FHL2: variants seen among roughly 807,000 people sequenced by gnomAD.
FHL2 encodes the protein four and a half LIM domains protein 2.
Under a neutral mutation model 32.7 loss-of-function variants are expected in FHL2, and 20 were observed. The observed-to-expected ratio is 0.61, with a 90% CI of 0.43 to 0.89. The LOEUF (loss-of-function observed/expected upper bound fraction) is 0.89, where lower values mean the gene tolerates loss of function less well. Ranked by LOEUF, FHL2 falls within the 40% of genes least tolerant of loss-of-function variation. The probability of loss-of-function intolerance (pLI) is 0.00; values close to 1 mark genes in which losing one functional copy is unlikely to be tolerated. For synonymous variants in FHL2, 123 were observed against 128.1 expected, an observed-to-expected ratio of 0.96 and a Z score of 0.27; for missense variants, 311 against 358.6, an observed-to-expected ratio of 0.87 and a Z score of 1.07.
chr2:105,407,349 T>G (rs180674810), intron 1 of FHL2, among the ~76,000 whole-genome samples: 2,390 of 139,156 alleles, frequency 0.017, 39 homozygotes, highest in African/African-American at 0.04. Flanking sequence ...CTGAGATCGC[T>G]CCACTGCACT....
intron 2 of FHL2, among the ~76,000 whole-genome samples, chr2:105,392,482 T>G (rs1682799549): frequency 6.6e-6 from 1 of 151,030 alleles, no homozygotes; most frequent in Non-Finnish European, 1.5e-5. Flanking sequence ...AGACCATGTC[T>G]CCAAAGAAAA....
chr2:105,377,157 A>C (rs938820867), intron 3 of FHL2, among the ~76,000 whole-genome samples: 1 of 152,172 alleles, frequency 6.6e-6, no homozygotes, highest in Non-Finnish European at 1.5e-5. Context: ...CATTCCACTA[A>C]TGGAATACTA....
At chr2:105,403,580 T>G (rs549239708), upstream of FHL2, among the ~76,000 whole-genome samples, 1 of 152,336 alleles carries the variant, frequency 6.6e-6, no homozygotes, top group East Asian at 1.9e-4. Context: ...CAGGATCCCC[T>G]GCAAACCTGT....
intron 3 of FHL2, chr2:105,376,227 A>G (rs980511808): frequency 1.1e-4 from 16 of 152,246 alleles, no homozygotes; most frequent in African/African-American, 3.9e-4. Context: ...GAGCTAAGCC[A>G]AGCTTCGAGC....
chr2:105,432,904 T>C (rs1423155886), intron 1 of FHL2, among the ~76,000 whole-genome samples: 1 of 152,220 alleles, frequency 6.6e-6, no homozygotes, highest in African/African-American at 2.4e-5. Flanking sequence ...CCAGCCAGGA[T>C]TGCAGAAGGG....
chr2:105,385,912 G>T (rs374029462), intron 3 of FHL2: 130 of 245,108 alleles, frequency 5.3e-4, no homozygotes, highest in African/African-American at 2.6e-3. Flanking sequence ...AGGACTTTGT[G>T]CTTTTATGTG....
intron 6 of FHL2, 91 bp downstream of exon 6, chr2:105,363,194 T>G: frequency 7.9e-7 from 1 of 1,264,268 alleles, no homozygotes; most frequent in Non-Finnish European, 1.1e-6. Flanking sequence ...GTCTGGGGAG[T>G]TGAGGGATAT....
At chr2:105,396,520 C>T (rs1395814212) in intron 2 of FHL2, 127 bp downstream of exon 2, 6 of 793,124 alleles carry the variant, frequency 7.6e-6, no homozygotes, top group Non-Finnish European at 8.3e-6. Flanking sequence ...CCAGACACAC[C>T]CAGAACATAT....
At chr2:105,427,864 T>C (rs991957048) in intron 1 of FHL2, among the ~76,000 whole-genome samples, 2 of 152,086 alleles carry the variant, frequency 1.3e-5, no homozygotes, top group African/African-American at 4.8e-5. Context: ...CTCACATACT[T>C]ATTAAAAGTG....
upstream of FHL2, chr2:105,399,327 C>A (rs1240055574): frequency 3.9e-6 from 6 of 1,535,688 alleles, no homozygotes; most frequent in East Asian, 2.4e-5. Flanking sequence ...GAGTTTCGGA[C>A]GAGGCCTGGG....
chr2:105,378,102 GA>G (rs980280336), intron 3 of FHL2: 3 of 459,672 alleles, frequency 6.5e-6, no homozygotes, highest in African/African-American at 6.0e-5. Context: ...ATGGAGGAAA[GA>G]GCACATCAGC....
intron 2 of FHL2, among the ~76,000 whole-genome samples, chr2:105,394,477 G>A (rs1682979158): frequency 1.3e-5 from 2 of 152,012 alleles, no homozygotes; most frequent in African/African-American, 4.8e-5. Flanking sequence ...GGAGACTGAG[G>A]CAGGAGGACT....
At chr2:105,402,126 CAT>C (rs557159029), upstream of FHL2, among the ~76,000 whole-genome samples, 399 of 146,120 alleles carry the variant, frequency 2.7e-3, 13 homozygotes, top group Admixed American at 0.026. Context: ...TACATATATA[CAT>C]ATACACATAT....
intron 3 of FHL2, chr2:105,374,067 C>G: frequency 3.0e-6 from 1 of 334,830 alleles, no homozygotes; most frequent in Middle Eastern, 1.0e-3. Context: ...CCTATCAATT[C>G]GTCTCACACC....
intron 1 of FHL2, among the ~76,000 whole-genome samples, chr2:105,404,656 C>A (rs112323320): frequency 1.3e-5 from 2 of 152,220 alleles, no homozygotes; most frequent in Non-Finnish European, 2.9e-5. Context: ...AACGATCTTG[C>A]AGGATCCAAA....
intron 6 of FHL2, 48 bp downstream of exon 6, chr2:105,363,237 G>C: frequency 6.3e-7 from 1 of 1,592,552 alleles, no homozygotes; most frequent in Non-Finnish European, 8.6e-7. Context: ...GCTAGGCCTT[G>C]TTCAAGCTTC....
At chr2:105,422,612 T>C (rs1684136869) in intron 1 of FHL2, among the ~76,000 whole-genome samples, 1 of 150,922 alleles carries the variant, frequency 6.6e-6, no homozygotes, top group Non-Finnish European at 1.5e-5. Flanking sequence ...TTGTTGTTGT[T>C]GTTATTGTTG....
chr2:105,366,044 A>C (rs1680608459), intron 5 of FHL2, among the ~76,000 whole-genome samples: 1 of 151,474 alleles, frequency 6.6e-6, no homozygotes, highest in Non-Finnish European at 1.5e-5. Context: ...CGTCTGTACT[A>C]AAAATACAAA....
downstream of FHL2, chr2:105,359,291 G>A (rs749401706): frequency 1.3e-5 from 2 of 152,172 alleles, no homozygotes; most frequent in African/African-American, 4.8e-5. Context: ...GAAATTTGGA[G>A]TGCTTTTACT....
Sources: allele counts gnomAD v4.1 joint callset (sites outside exome capture counted in the v4.1 genomes callset), GRCh38; gene constraint gnomAD v4.1.1; transcripts MANE v1.5; gene names NCBI Gene and HGNC (gene_info 2026-07-23, HGNC 2026-07-21).